PTPN4: variants seen among roughly 807,000 people sequenced by gnomAD.
The protein encoded by PTPN4 is protein tyrosine phosphatase non-receptor type 4, also known as tyrosine-protein phosphatase non-receptor type 4.
PTPN4 carries 49 observed loss-of-function variants against 135.5 expected under a neutral mutation model. That is an observed-to-expected ratio of 0.36 (90% CI 0.29 to 0.46). The LOEUF is 0.46. PTPN4 is among the 20% of genes least tolerant of loss of function. The pLI is 1.00. For synonymous variants in PTPN4, 333 were observed against 369.9 expected, an observed-to-expected ratio of 0.90 and a Z score of 1.14; for missense variants, 860 against 1,101.0, an observed-to-expected ratio of 0.78 and a Z score of 3.10.
At chr2:119,846,108 A>G (rs1299315803) in intron 2 of PTPN4, among the ~76,000 whole-genome samples, 2 of 152,156 alleles carry the variant, frequency 1.3e-5, no homozygotes. Context: ...ATGGCCTACC[A>G]TATGGTTTAT....
intron 11 of PTPN4, among the ~76,000 whole-genome samples, chr2:119,919,585 G>A (rs1678707260): frequency 6.6e-6 from 1 of 152,150 alleles, no homozygotes; most frequent in Admixed American, 6.5e-5. Context: ...CACTTTGTGA[G>A]GCCAAGGCAG....
chr2:119,921,110 G>A (rs986110039), intron 12 of PTPN4, among the ~76,000 whole-genome samples: 1 of 151,904 alleles, frequency 6.6e-6, no homozygotes. Context: ...GTGAAACCCC[G>A]TCTCTACCAA....
In PTPN4 at chr2:119,833,394, T is replaced by C. The variant is rs574280109; in HGVS notation, c.138+23403T>C. ...TATCTGCATGCCAATCCATATTGTC[T>C]TAATTATTTTAGCTTAATAAATAAG... is the stretch of plus-strand genomic sequence containing the variant. On this transcript the variant is annotated intron_variant, in intron 2 of 26. Coordinates refer to ENST00000263708, the MANE Select transcript of PTPN4 (RefSeq NM_002830.4). 1.1e-4 allele frequency among the ~76,000 whole-genome samples: 16 copies of C among 152,292 alleles called. No homozygotes were observed. In the East Asian group the frequency reaches 3.1e-3, roughly 29 times the overall value.
intron 9 of PTPN4, among the ~76,000 whole-genome samples, chr2:119,893,406 A>G (rs1678270969): frequency 6.6e-6 from 1 of 152,244 alleles, no homozygotes; most frequent in Non-Finnish European, 1.5e-5. Flanking sequence ...GCATAAGTCA[A>G]GAATTTATCT....
At chr2:119,824,260 G>T (rs186605879) in intron 2 of PTPN4, among the ~76,000 whole-genome samples, 113 of 152,280 alleles carry the variant, frequency 7.4e-4, no homozygotes, top group Non-Finnish European at 2.1e-4. Context: ...ACTTAAAAAG[G>T]ATGTCTGTTC....
At chr2:119,941,509 A>G (rs1323721956) in intron 15 of PTPN4, among the ~76,000 whole-genome samples, 1 of 152,024 alleles carries the variant, frequency 6.6e-6, no homozygotes, top group African/African-American at 2.4e-5. Context: ...AAACAGTTAC[A>G]GGGATTACTG....
At chr2:119,801,900 G>GTTTTTTT (rs768983862) in intron 1 of PTPN4, among the ~76,000 whole-genome samples, 2 of 98,794 alleles carry the variant, frequency 2.0e-5, no homozygotes, top group Non-Finnish European at 4.0e-5. Context: ...CTTTCTTTCC[G>GTTTTTTT]TTTTTTTTTT....
In PTPN4 at chr2:119,951,955, A is replaced by G. The variant is rs564138275; in HGVS notation, c.1657-18A>G. ...AAGTTGCATGCCAATCTGAAACCTT[A>G]TCTATATTATATTACAGGCTGACCT... On this transcript the variant is annotated intron_variant, in intron 18 of 26. Transcript: ENST00000263708. The G allele has an allele frequency of 6.4e-7, 1 of 1,569,570 alleles. No homozygotes were observed. The highest frequency in any genetic ancestry group is 2.3e-5 in the East Asian group (1 of 43,546).
At chr2:119,934,703 AAC>A in intron 14 of PTPN4, 95 bp from the exon 15 acceptor site, 1 of 1,264,542 alleles carries the variant, frequency 7.9e-7, no homozygotes, top group African/African-American at 1.5e-5. Flanking sequence ...TTGACTTAAA[AAC>A]ACATACCCCC....
At chr2:119,956,260 T>TTG (rs70949375) in intron 20 of PTPN4, among the ~76,000 whole-genome samples, 4 of 138,652 alleles carry the variant, frequency 2.9e-5, no homozygotes, top group African/African-American at 1.2e-4. Context: ...TTTTTTTTTT[T>TTG]GAGAAGCGGC....
intron 1 of PTPN4, among the ~76,000 whole-genome samples, chr2:119,809,230 T>C (rs928317623): frequency 2.0e-5 from 3 of 152,056 alleles, no homozygotes; most frequent in Non-Finnish European, 4.4e-5. Context: ...TGTTGTTTTA[T>C]AGGCCATCTA....
intron 2 of PTPN4, among the ~76,000 whole-genome samples, chr2:119,816,450 T>C (rs1254679444): frequency 6.6e-6 from 1 of 152,166 alleles, no homozygotes; most frequent in South Asian, 2.1e-4. Flanking sequence ...CCCGACCTTT[T>C]TGGCACCAGG....
At chr2:119,927,979 A>G (rs1678849938) in intron 13 of PTPN4, among the ~76,000 whole-genome samples, 1 of 152,198 alleles carries the variant, frequency 6.6e-6, no homozygotes, top group East Asian at 1.9e-4. Context: ...AAAAACTCCA[A>G]CAGTATCAAA....
chr2:119,809,816 A>AT (rs373238618), intron 1 of PTPN4, 21 bp from the exon 2 acceptor site: 33,098 of 1,083,458 alleles, frequency 0.031, 138 homozygotes, highest in African/African-American at 0.091. Context: ...TATTTAGTGA[A>AT]TTTTTTTTTT....
intron 22 of PTPN4, among the ~76,000 whole-genome samples, chr2:119,959,389 C>T (rs1679332645): frequency 6.6e-6 from 1 of 152,154 alleles, no homozygotes; most frequent in Non-Finnish European, 1.5e-5. Context: ...ATTGAAAGAG[C>T]AAAAGTTTGG....
intron 22 of PTPN4, among the ~76,000 whole-genome samples, chr2:119,958,368 A>G (rs1679319985): frequency 6.6e-6 from 1 of 151,570 alleles, no homozygotes; most frequent in East Asian, 1.9e-4. Context: ...TGGATGAAGG[A>G]CATGCAAAGA....
At chr2:119,954,822 A>G (rs948040760) in intron 19 of PTPN4, among the ~76,000 whole-genome samples, 4 of 152,278 alleles carry the variant, frequency 2.6e-5, no homozygotes, top group Admixed American at 2.6e-4. Flanking sequence ...ATAGGTCTCT[A>G]TTTGTACTCT....
chr2:119,965,562 T>G lies in PTPN4; in HGVS notation c.2475T>G (p.Asp825Glu), dbSNP rs1558777138. The change falls in exon 25 of 27, where the codon GAT (aspartate) becomes GAG (glutamate). Residue 825 changes from aspartate to glutamate, a missense_variant. Transcript: ENST00000263708. Reference sequence around the variant, plus strand: ...CCTGGCCTGACCATGGAGTCCCTGATGATTCGAGTGACTTTCTAGATTTTG... The same window carrying G: ...CCTGGCCTGACCATGGAGTCCCTGAGGATTCGAGTGACTTTCTAGATTTTG... Reference protein sequence around the residue: ...YIAWPDHGVPDDSSDFLDFVC... With the variant: ...YIAWPDHGVPEDSSDFLDFVC... 1.2e-6 allele frequency: 2 copies of G among 1,613,612 alleles called. No individual in the cohort carries two copies. Among genetic ancestry groups the G allele is most frequent in the African/African-American group, 1.3e-5 (1 of 74,940 alleles).
chr2:119,844,972 TG>T (rs1406518916), intron 2 of PTPN4, among the ~76,000 whole-genome samples: 1 of 150,650 alleles, frequency 6.6e-6, no homozygotes, highest in Non-Finnish European at 1.5e-5. Context: ...CATTGAGCAC[TG>T]AGTGAACGAG....
Sources: gnomAD v4.1 joint callset for allele counts (sites outside exome capture counted in the v4.1 genomes callset) on GRCh38, gnomAD v4.1.1 for gene constraint, MANE v1.5 for transcripts, NCBI Gene and HGNC (gene_info 2026-07-23, HGNC 2026-07-21) for gene names.